The following SRGAP3 variants were observed in gnomAD, a reference collection of about 807,000 sequenced individuals.
SRGAP3 encodes the protein SLIT-ROBO Rho GTPase-activating protein 3.
Under a neutral mutation model 121.1 loss-of-function variants are expected in SRGAP3, and 39 were observed. The observed-to-expected ratio is 0.32, with a 90% CI of 0.25 to 0.42. The LOEUF (loss-of-function observed/expected upper bound fraction) is 0.42, where lower values mean the gene tolerates loss of function less well. Ranked by LOEUF, SRGAP3 falls within the 10% of genes least tolerant of loss-of-function variation. SRGAP3 has a pLI of 1.00. For missense variants in SRGAP3, 1,213 were observed against 1,470.6 expected (o/e 0.82, Z 2.86); for synonymous variants, 601 against 570.0 (o/e 1.05, Z -0.77).
intron 1 of SRGAP3, among the ~76,000 whole-genome samples, chr3:9,159,920 T>A (rs1950552930): frequency 6.6e-6 from 1 of 152,198 alleles, no homozygotes; most frequent in Non-Finnish European, 1.5e-5. Context: ...GGAGTCTGCC[T>A]GTAAGGCCCA....
intron 6 of SRGAP3, 99 bp from the exon 7 acceptor site, chr3:9,058,571 CAGCCGA>C (rs1945953061): frequency 7.9e-7 from 1 of 1,267,634 alleles, no homozygotes; most frequent in African/African-American, 1.5e-5. Context: ...TCCCTTTCCA[CAGCCGA>C]ATCTTCCATC....
chr3:9,087,733 G>T (rs1947564425), intron 3 of SRGAP3, among the ~76,000 whole-genome samples: 1 of 152,162 alleles, frequency 6.6e-6, no homozygotes, highest in Non-Finnish European at 1.5e-5. Flanking sequence ...TTCAGAGCAG[G>T]ACTGGGAACT....
chr3:9,003,962 C>T (rs1406601782), intron 18 of SRGAP3, among the ~76,000 whole-genome samples: 1 of 151,938 alleles, frequency 6.6e-6, no homozygotes, highest in Non-Finnish European at 1.5e-5. Context: ...TATATCTATT[C>T]ATAGACAATA....
intron 3 of SRGAP3, among the ~76,000 whole-genome samples, chr3:9,258,215 C>T (rs953976735): frequency 2.6e-5 from 4 of 152,100 alleles, no homozygotes; most frequent in African/African-American, 7.2e-5. Context: ...AACACAGAAG[C>T]GGTTTCTTGG....
intron 1 of SRGAP3, among the ~76,000 whole-genome samples, chr3:9,213,227 T>C (rs994201313): frequency 4.6e-5 from 7 of 152,098 alleles, no homozygotes; most frequent in African/African-American, 1.4e-4. Flanking sequence ...CAGAAAAGAC[T>C]GGTCTGAAGT....
At chr3:9,004,973 G>GGCAA (rs142043066) in intron 18 of SRGAP3, among the ~76,000 whole-genome samples, 145 of 152,252 alleles carry the variant, frequency 9.5e-4, no homozygotes, top group African/African-American at 3.3e-3. Context: ...CCAATAAAAA[G>GGCAA]GCAAGCCACA....
intron 3 of SRGAP3, among the ~76,000 whole-genome samples, chr3:9,101,603 C>CA (rs556769847): frequency 8.5e-4 from 130 of 152,256 alleles, no homozygotes; most frequent in Middle Eastern, 3.4e-3. Context: ...CGCCTCCCCA[C>CA]AAAAAACGGG....
At chr3:9,191,718 T>C (rs573894721) in intron 1 of SRGAP3, among the ~76,000 whole-genome samples, 3 of 152,236 alleles carry the variant, frequency 2.0e-5, no homozygotes, top group Non-Finnish European at 4.4e-5. Flanking sequence ...CCCGTTCAAA[T>C]CTCACATTGA....
chr3:9,005,319 C>A (rs1943008173), intron 18 of SRGAP3, among the ~76,000 whole-genome samples: 1 of 152,196 alleles, frequency 6.6e-6, no homozygotes. Context: ...TCCTCATACA[C>A]TGATGATGAT....
intron 1 of SRGAP3, among the ~76,000 whole-genome samples, chr3:9,360,644 T>C (rs536954202): frequency 6.6e-6 from 1 of 152,302 alleles, no homozygotes; most frequent in African/African-American, 2.4e-5. Flanking sequence ...GAAAGGCACT[T>C]CTTACATGGC....
At chr3:9,215,427 C>T (rs1050992740) in intron 1 of SRGAP3, among the ~76,000 whole-genome samples, 2 of 152,348 alleles carry the variant, frequency 1.3e-5, no homozygotes, top group Admixed American at 6.5e-5. Flanking sequence ...GAACACAGAC[C>T]TCTGCCTCCC....
At chr3:9,360,986 T>C (rs1423235561) in intron 1 of SRGAP3, among the ~76,000 whole-genome samples, 1 of 152,262 alleles carries the variant, frequency 6.6e-6, no homozygotes, top group East Asian at 1.9e-4. Flanking sequence ...TTTTGATGAG[T>C]ATCCCATTGT....
At chr3:9,231,630 C>G (rs1194737514) in intron 1 of SRGAP3, among the ~76,000 whole-genome samples, 1 of 152,126 alleles carries the variant, frequency 6.6e-6, no homozygotes, top group Non-Finnish European at 1.5e-5. Flanking sequence ...GTGTGGCAGG[C>G]CCTAAGCACA....
chr3:9,140,182 TATCAC>T (rs1196301938), intron 1 of SRGAP3, among the ~76,000 whole-genome samples: 5 of 151,932 alleles, frequency 3.3e-5, no homozygotes, highest in African/African-American at 1.2e-4. Flanking sequence ...CAGGGAGACT[TATCAC>T]AGCATTGTCT....
chr3:9,237,765 C>A (rs774825730), intron 1 of SRGAP3, among the ~76,000 whole-genome samples: 2 of 152,012 alleles, frequency 1.3e-5, no homozygotes, highest in Non-Finnish European at 2.9e-5. Flanking sequence ...GTGAGCACAG[C>A]GTGGCTTTCT....
chr3:9,304,986 T>C (rs576551511), intron 3 of SRGAP3, among the ~76,000 whole-genome samples: 1 of 152,250 alleles, frequency 6.6e-6, no homozygotes, highest in East Asian at 1.9e-4. Context: ...CACAACAACC[T>C]TCAGAGGTTG....
chr3:9,008,904 A>T (rs1204459616), intron 18 of SRGAP3, among the ~76,000 whole-genome samples: 1 of 152,204 alleles, frequency 6.6e-6, no homozygotes, highest in African/African-American at 2.4e-5. Context: ...GCCCTTTTCC[A>T]CTGAGAGTTT....
chr3:9,233,543 T>A (rs1357092884), intron 1 of SRGAP3, among the ~76,000 whole-genome samples: 1 of 152,224 alleles, frequency 6.6e-6, no homozygotes, highest in Non-Finnish European at 1.5e-5. Flanking sequence ...CCTGGAGTTG[T>A]GTGTTTCTCT....
intron 1 of SRGAP3, among the ~76,000 whole-genome samples, chr3:9,132,437 C>G (rs1949490303): frequency 6.6e-6 from 1 of 152,188 alleles, no homozygotes. Context: ...TACCCCAACC[C>G]TTGGCAAACC....
Sources: gnomAD v4.1 joint callset for allele counts (sites outside exome capture counted in the v4.1 genomes callset) on GRCh38, gnomAD v4.1.1 for gene constraint, MANE v1.5 for transcripts, NCBI Gene and HGNC (gene_info 2026-07-23, HGNC 2026-07-21) for gene names.